The following MPPED1 variants were observed in gnomAD, a reference collection of about 807,000 sequenced individuals.
MPPED1 encodes the protein metallophosphoesterase domain containing 1.
Under a neutral mutation model 36.2 loss-of-function variants are expected in MPPED1, and 16 were observed. The observed-to-expected ratio is 0.44, with a 90% CI of 0.30 to 0.67. MPPED1 has a LOEUF of 0.67. Ranked by LOEUF, MPPED1 falls within the 30% of genes least tolerant of loss-of-function variation. The pLI, the probability that MPPED1 is intolerant of heterozygous loss-of-function variation, is 0.10. For synonymous variants in MPPED1, 199 were observed against 191.3 expected, an observed-to-expected ratio of 1.04 and a Z score of -0.33; for missense variants, 307 against 453.4, an observed-to-expected ratio of 0.68 and a Z score of 2.93.
intron 3 of MPPED1, among the ~76,000 whole-genome samples, chr22:43,444,960 T>C (rs1930286493): frequency 6.6e-6 from 1 of 152,126 alleles, no homozygotes; most frequent in African/African-American, 2.4e-5. Flanking sequence ...AAAAAAAAGT[T>C]AGAGTAGCTC....
chr22:43,452,466 A>G (rs1386755575), intron 3 of MPPED1, among the ~76,000 whole-genome samples: 1 of 152,128 alleles, frequency 6.6e-6, no homozygotes, highest in Non-Finnish European at 1.5e-5. Context: ...ACCCTAGGCC[A>G]CAGAGGAAGG....
intron 2 of MPPED1, 64 bp downstream of exon 2, chr22:43,425,273 T>C: frequency 6.8e-7 from 1 of 1,476,580 alleles, no homozygotes; most frequent in Non-Finnish European, 9.0e-7. Context: ...GTGCATGGTC[T>C]CGGGTGCCTC....
At position 43,475,509 on chromosome 22, in the gene MPPED1, A is replaced by G. The variant is rs1412567072; in HGVS notation, c.632+548A>G. On this transcript the variant is annotated intron_variant, in intron 4 of 6. Transcript: ENST00000443721. The stretch of plus-strand genomic sequence containing the variant: ...GGTGATGATGGTGGTGATGATCATC[A>G]TGATGATGGTTGTGGTGGTGGTGGT... Among the ~76,000 whole-genome samples the G allele has an allele frequency of 9.2e-3, 1,264 of 137,084 alleles. 3 individuals are homozygous for G. Among genetic ancestry groups the G allele is most frequent in the Middle Eastern group, 0.02 (5 of 252 alleles). 89.9% of individuals were successfully genotyped at this position (137,084 alleles called of 152,430 possible).
chr22:43,447,983 A>C (rs1930423369), intron 3 of MPPED1, among the ~76,000 whole-genome samples: 1 of 149,816 alleles, frequency 6.7e-6, no homozygotes, highest in Admixed American at 6.7e-5. Context: ...GGTTCAAGCA[A>C]TTCTCCTGCC....
chr22:43,439,410 A>G (rs1930072854), intron 3 of MPPED1, among the ~76,000 whole-genome samples: 1 of 152,270 alleles, frequency 6.6e-6, no homozygotes, highest in African/African-American at 2.4e-5. Flanking sequence ...TGAAAATGGC[A>G]AAGAATGTGC....
rs955742403 is a variant in MPPED1, at chr22:43,474,931, T to C, written c.602T>C (p.Val201Ala). ...TACCTTCAGGACTCGGAGGTCACCG[T>C]GCGGGGCTTCCGGATCTATGGCTCC... is the stretch of plus-strand genomic sequence containing the variant. ...CIYLQDSEVT[V>A]RGFRIYGSPW... Residue 201 changes from valine (V) to alanine (A), a missense_variant, in exon 4 of 7, where the codon GTG becomes GCG. By Grantham distance (64) the Val-to-Ala change is moderately conservative. Around this residue, in one of 3 missense-constraint regions of MPPED1, gnomAD observed 132 missense variants for 212.3 expected, o/e 0.62. Coordinates refer to ENST00000443721, the MANE Select transcript of MPPED1 (RefSeq NM_001044370.2). The surrounding 1 kb of genome is among the most constrained non-coding windows in gnomAD (Gnocchi z 5.2). The C allele has an allele frequency of 3.1e-6, 5 of 1,613,890 alleles. No homozygotes were observed. The African/African-American group carries it at 6.7e-5, about 22-fold the overall frequency.
chr22:43,472,066 C>A (rs949264704), intron 3 of MPPED1, among the ~76,000 whole-genome samples: 3 of 152,160 alleles, frequency 2.0e-5, no homozygotes, highest in African/African-American at 7.2e-5. Flanking sequence ...ACGGTAGGGA[C>A]AGGTGGGGAT....
At chr22:43,490,920 G>T (rs2146904209) in intron 4 of MPPED1, among the ~76,000 whole-genome samples, 1 of 152,306 alleles carries the variant, frequency 6.6e-6, no homozygotes, top group South Asian at 2.1e-4. Flanking sequence ...GTTAGAACTG[G>T]GGCAGCCTTG....
intron 5 of MPPED1, among the ~76,000 whole-genome samples, chr22:43,500,756 G>C (rs1461056543): frequency 6.6e-6 from 1 of 152,088 alleles, no homozygotes; most frequent in African/African-American, 2.4e-5. Flanking sequence ...GGGCCCCCAG[G>C]CTGCAGGGTA....
intron 4 of MPPED1, among the ~76,000 whole-genome samples, chr22:43,491,683 T>C (rs1932097297): frequency 1.4e-5 from 2 of 139,950 alleles, no homozygotes; most frequent in Non-Finnish European, 1.5e-5. Context: ...GAGGTGGTGG[T>C]TATGGAGGTG....
intron 2 of MPPED1, among the ~76,000 whole-genome samples, chr22:43,434,079 C>T (rs536075909): frequency 3.3e-5 from 5 of 152,366 alleles, no homozygotes; most frequent in African/African-American, 1.2e-4. Flanking sequence ...GCAGCTTGCT[C>T]AGCCCGGCTG....
chr22:43,479,228 C>T (rs573942240), intron 4 of MPPED1, among the ~76,000 whole-genome samples: 1 of 152,334 alleles, frequency 6.6e-6, no homozygotes, highest in Admixed American at 6.5e-5. Context: ...CCAGATTTTC[C>T]TTTTCTTCCC....
chr22:43,429,714 C>T (rs1208653448), intron 2 of MPPED1, among the ~76,000 whole-genome samples: 3 of 151,936 alleles, frequency 2.0e-5, no homozygotes, highest in Admixed American at 6.5e-5. Context: ...GTGCCTAGCA[C>T]AGGGAATAGG....
chr22:43,430,650 T>C lies in MPPED1; in HGVS notation c.225-4384T>C, dbSNP rs112530111. ...GGCAGAAGCTTTGGGGAAGTTGAGT[T>C]TGGCTCCAAGAAATAAGAAGCCTTT... On this transcript the variant is annotated intron_variant, in intron 2 of 6. Coordinates refer to ENST00000443721, the MANE Select transcript of MPPED1 (RefSeq NM_001044370.2). Among the ~76,000 whole-genome samples, 767 of 152,330 alleles carry C rather than the reference T, an allele frequency of 5.0e-3. 16 individuals carry two copies. Among genetic ancestry groups the C allele is most frequent in the African/African-American group, 0.017 (726 of 41,564 alleles).
intron 3 of MPPED1, among the ~76,000 whole-genome samples, chr22:43,471,327 C>T (rs527528145): frequency 5.1e-4 from 77 of 152,276 alleles, no homozygotes; most frequent in African/African-American, 1.7e-3. Context: ...ACCCCCAACC[C>T]GAGCTGGGGG....
chr22:43,438,677 C>G (rs959463792), intron 3 of MPPED1, among the ~76,000 whole-genome samples: 9 of 152,030 alleles, frequency 5.9e-5, no homozygotes, highest in East Asian at 5.8e-4. Flanking sequence ...CTCTCTCTCT[C>G]TGTGTCTGAT....
chr22:43,453,745 G>A (rs908565303), intron 3 of MPPED1, among the ~76,000 whole-genome samples: 11 of 152,154 alleles, frequency 7.2e-5, no homozygotes, highest in African/African-American at 2.7e-4. Context: ...CACACTTCTA[G>A]TTGTCTAAGA....
At chr22:43,495,502 GGAGGT>G (rs1932260009) in intron 4 of MPPED1, among the ~76,000 whole-genome samples, 1 of 90,714 alleles carries the variant, frequency 1.1e-5, no homozygotes, top group Non-Finnish European at 2.2e-5. Context: ...TAGTGGTGGT[GGAGGT>G]GGTGGTGGTG....
chr22:43,498,400 G>A, intron 5 of MPPED1, 50 bp downstream of exon 5: 1 of 1,441,084 alleles, frequency 6.9e-7, no homozygotes, highest in Non-Finnish European at 9.4e-7. Flanking sequence ...GGGCTGGTGG[G>A]TGGGCTCTGG....
Sources: allele counts gnomAD v4.1 joint callset (sites outside exome capture counted in the v4.1 genomes callset), GRCh38; gene constraint gnomAD v4.1.1; regional missense constraint gnomAD v4.1.1; non-coding constraint Gnocchi (gnomAD v3.1); transcripts MANE v1.5; gene names NCBI Gene and HGNC (gene_info 2026-07-23, HGNC 2026-07-21).